Variants in SYT1 observed in about 807,000 individuals in gnomAD.
SYT1 encodes the protein synaptotagmin-1.
A neutral mutation model predicts 44.8 loss-of-function variants in SYT1; 8 were observed. That is an observed-to-expected ratio of 0.18 (90% CI 0.10 to 0.32). The LOEUF is 0.32. Ranked by LOEUF, SYT1 falls within the 10% of genes least tolerant of loss-of-function variation. SYT1 has a pLI of 1.00. For missense variants in SYT1, 286 were observed against 509.3 expected, an observed-to-expected ratio of 0.56 and a Z score of 4.22; for synonymous variants, 154 against 188.8, an observed-to-expected ratio of 0.82 and a Z score of 1.51.
At chr12:79,121,080 T>A (rs1376111773) in intron 3 of SYT1, among the ~76,000 whole-genome samples, 1 of 152,060 alleles carries the variant, frequency 6.6e-6, no homozygotes, top group Non-Finnish European at 1.5e-5. Flanking sequence ...ATCACATACA[T>A]ATATGTAACC....
At chr12:79,260,662 T>G (rs183263074) in intron 4 of SYT1, among the ~76,000 whole-genome samples, 1 of 152,314 alleles carries the variant, frequency 6.6e-6, no homozygotes, top group Admixed American at 6.5e-5. Flanking sequence ...TAAATTTCAT[T>G]ATATTTTTCT....
intron 2 of SYT1, among the ~76,000 whole-genome samples, chr12:79,046,616 T>A (rs1479749480): frequency 6.6e-6 from 1 of 152,124 alleles, no homozygotes; most frequent in East Asian, 1.9e-4. Flanking sequence ...ATCTTTTTTA[T>A]GCAATGACGT....
chr12:79,163,487 T>C (rs1475797935), intron 3 of SYT1, among the ~76,000 whole-genome samples: 1 of 152,108 alleles, frequency 6.6e-6, no homozygotes, highest in African/African-American at 2.4e-5. Flanking sequence ...GTGCACTTTA[T>C]GTAAGTCGTC....
At chr12:79,132,879 G>A (rs898393314) in intron 3 of SYT1, among the ~76,000 whole-genome samples, 4 of 152,028 alleles carry the variant, frequency 2.6e-5, no homozygotes, top group Admixed American at 6.6e-5. Context: ...TAAAGAATAT[G>A]TGGTATATAT....
chr12:79,333,706 A>G (rs149787164), intron 8 of SYT1, among the ~76,000 whole-genome samples: 3 of 152,210 alleles, frequency 2.0e-5, no homozygotes, highest in African/African-American at 7.2e-5. Context: ...GAAAAAAAAT[A>G]TTGGCATCTT....
chr12:79,376,649 A>G (rs1292181408), intron 9 of SYT1, among the ~76,000 whole-genome samples: 3 of 152,172 alleles, frequency 2.0e-5, no homozygotes, highest in Non-Finnish European at 4.4e-5. Flanking sequence ...CCCAGCTCCT[A>G]TTTAAGATGG....
chr12:79,380,436 G>C (rs372483146), intron 9 of SYT1, among the ~76,000 whole-genome samples: 3 of 152,256 alleles, frequency 2.0e-5, no homozygotes, highest in African/African-American at 7.2e-5. Context: ...CTGCCACCCA[G>C]GCTGCTGCAT....
chr12:79,275,400 A>AT (rs978920154), intron 4 of SYT1, among the ~76,000 whole-genome samples: 7 of 152,090 alleles, frequency 4.6e-5, no homozygotes, highest in Admixed American at 2.6e-4. Flanking sequence ...TTTCTGGAAC[A>AT]TTTGGGGGTG....
chr12:78,945,960 C>T (rs1878635916), intron 1 of SYT1, among the ~76,000 whole-genome samples: 1 of 152,078 alleles, frequency 6.6e-6, no homozygotes, highest in South Asian at 2.1e-4. Flanking sequence ...TATCCAGTTT[C>T]CTCTTCAATG....
intron 3 of SYT1, among the ~76,000 whole-genome samples, chr12:79,213,556 T>G (rs535458316): frequency 2.5e-4 from 38 of 152,366 alleles, no homozygotes; most frequent in South Asian, 2.5e-3. Flanking sequence ...GCTCAATAAC[T>G]GTTAGCTTAT....
At chr12:79,268,004 A>G (rs1047799571) in intron 4 of SYT1, among the ~76,000 whole-genome samples, 1 of 152,226 alleles carries the variant, frequency 6.6e-6, no homozygotes, top group Non-Finnish European at 1.5e-5. Flanking sequence ...TCCTTCATTC[A>G]ACTAACTTCC....
chr12:79,145,749 TTTTGTTTG>T (rs1333413347), intron 3 of SYT1, among the ~76,000 whole-genome samples: 1 of 144,942 alleles, frequency 6.9e-6, no homozygotes, highest in South Asian at 2.1e-4. Context: ...TTTTTTTTTT[TTTTGTTTG>T]TTTGTTTGTT....
At chr12:79,192,430 G>T (rs888345225) in intron 3 of SYT1, among the ~76,000 whole-genome samples, 1 of 152,136 alleles carries the variant, frequency 6.6e-6, no homozygotes, top group Non-Finnish European at 1.5e-5. Flanking sequence ...AGTGAGAAGA[G>T]TTTAATTTCT....
intron 1 of SYT1, among the ~76,000 whole-genome samples, chr12:78,901,415 C>G (rs950301263): frequency 6.6e-6 from 1 of 152,080 alleles, no homozygotes; most frequent in Non-Finnish European, 1.5e-5. Flanking sequence ...CAAACACACA[C>G]TGTATTTAAA....
At chr12:79,323,524 G>A (rs181177841) in intron 8 of SYT1, among the ~76,000 whole-genome samples, 24 of 152,212 alleles carry the variant, frequency 1.6e-4, no homozygotes, top group Admixed American at 3.3e-4. Flanking sequence ...ACTTAACACC[G>A]AAAACGTCAG....
intron 9 of SYT1, chr12:79,393,600 C>T (rs7484334): frequency 0.14 from 21,662 of 152,106 alleles, 1,956 homozygotes; most frequent in Middle Eastern, 0.34. Flanking sequence ...GCATAAATGT[C>T]TTATTTTGAG....
chr12:78,864,614 C>T (rs1873428727), upstream of SYT1: 1 of 152,054 alleles, frequency 6.6e-6, no homozygotes, highest in Admixed American at 6.6e-5. Context: ...AACGGATCCA[C>T]CTATTATTAG....
At chr12:79,374,500 AAC>A (rs1249493058) in intron 9 of SYT1, among the ~76,000 whole-genome samples, 8 of 152,210 alleles carry the variant, frequency 5.3e-5, no homozygotes, top group African/African-American at 1.9e-4. Flanking sequence ...TACACATTCT[AAC>A]AAATGGTAAT....
intron 3 of SYT1, among the ~76,000 whole-genome samples, chr12:79,215,729 A>G (rs1219393238): frequency 6.6e-6 from 1 of 152,062 alleles, no homozygotes; most frequent in Non-Finnish European, 1.5e-5. Flanking sequence ...CAATTATAAA[A>G]TAAAAATTCG....
Sources: allele counts gnomAD v4.1 joint callset (sites outside exome capture counted in the v4.1 genomes callset), GRCh38; gene constraint gnomAD v4.1.1; transcripts MANE v1.5; gene names NCBI Gene and HGNC (gene_info 2026-07-23, HGNC 2026-07-21).